Variants in UGDH observed in about 807,000 individuals in gnomAD.
UGDH encodes the protein UDP-glucose 6-dehydrogenase, also known as UDP-Glc dehydrogenase.
UGDH carries 38 observed loss-of-function variants against 50.6 expected under a neutral mutation model. The observed-to-expected ratio is 0.75, with a 90% confidence interval of 0.58 to 0.98. The LOEUF is 0.98. Among genes scored for constraint, UGDH ranks in the 50% least tolerant of loss-of-function variants. UGDH has a pLI of 0.00. For synonymous variants in UGDH, 168 were observed against 199.9 expected, an observed-to-expected ratio of 0.84 and a Z score of 1.35; for missense variants, 465 against 606.2, an observed-to-expected ratio of 0.77 and a Z score of 2.45.
At chr4:39,501,110 C>T (rs1460532202) in intron 11 of UGDH, among the ~76,000 whole-genome samples, 6 of 151,528 alleles carry the variant, frequency 4.0e-5, no homozygotes, top group Non-Finnish European at 5.9e-5. Flanking sequence ...GGATTACAAG[C>T]GCCCGCCACC....
rs141747931 is a variant in UGDH at position 39,506,324 on chromosome 4, C to T, written c.907-576G>A. 2.1e-3 allele frequency among the ~76,000 whole-genome samples: 318 copies of T among 151,076 alleles called. 2 individuals carry two copies. The highest frequency in any genetic ancestry group is 0.01 in the Middle Eastern group (3 of 288). On this transcript the variant is annotated intron_variant, in intron 7 of 11. Transcript: ENST00000316423. ...GCTAGGATGGATGCCAAAAGTGGAG[C>T]GCACAACCAAGTTTTAATTCTAAGC...
Position 39,509,578 on chromosome 4 carries a change from T to C in UGDH, c.811+182A>G, listed in dbSNP as rs540936674. 3.3e-5 allele frequency among the ~76,000 whole-genome samples: 5 copies of C among 152,360 alleles called. No individual in the cohort carries two copies. In the East Asian group the frequency reaches 9.6e-4, roughly 29 times the overall value. ...AGAAACATCTAGTCACTCAGCTGCATGACTTTGAGCAAGTTGCACAAATTT... is the reference window on the plus strand; with the variant it reads ...AGAAACATCTAGTCACTCAGCTGCACGACTTTGAGCAAGTTGCACAAATTT... On this transcript the variant is annotated intron_variant, in intron 6 of 11. Coordinates refer to ENST00000316423, the MANE Select transcript of UGDH (RefSeq NM_003359.4).
intron 11 of UGDH, among the ~76,000 whole-genome samples, chr4:39,503,530 A>G (rs1745908432): frequency 6.6e-6 from 1 of 152,198 alleles, no homozygotes; most frequent in Non-Finnish European, 1.5e-5. Context: ...GAGGAAGTAG[A>G]GAAGTAGAGT....
chr4:39,508,875 C>T (rs1436841783), intron 6 of UGDH, among the ~76,000 whole-genome samples: 2 of 150,866 alleles, frequency 1.3e-5, no homozygotes, highest in Non-Finnish European at 2.9e-5. Context: ...ACTAAAATTT[C>T]ATTATGGCTA....
Position 39,500,095 on chromosome 4 carries a change from G to T in UGDH, c.*48C>A. On this transcript the variant is annotated 3_prime_UTR_variant, in exon 12 of 12. Transcript: ENST00000316423. ...ATAGCAGATAGATATTTGCTATCCT[G>T]AAGTACCAAAAAAAAAAAAAAAAAA... The T allele has an allele frequency of 2.7e-6, 3 of 1,104,142 alleles. No individual in the cohort carries two copies. The highest frequency in any genetic ancestry group is 2.6e-6 in the Non-Finnish European group (2 of 783,926). The allele number at this position is 1,104,142 out of a possible 1,614,324, so 68.4% of individuals were successfully genotyped here.
chr4:39,500,330 G>C (rs755383650), intron 11 of UGDH, 77 bp from the exon 12 acceptor site: 1 of 874,390 alleles, frequency 1.1e-6, no homozygotes, highest in Non-Finnish European at 1.7e-6. Context: ...TGAAATGGGA[G>C]CAGGGGGAAT....
chr4:39,510,818 GC>G lies in UGDH; in HGVS notation c.307del (p.Ala103GlnfsTer4). On this transcript the variant is annotated frameshift_variant, in exon 4 of 12. Coordinates refer to ENST00000316423, the MANE Select transcript of UGDH (RefSeq NM_003359.4). LOFTEE classifies it high-confidence loss of function. Reference sequence around the variant, plus strand: ...AGCTTCAATATACTTCAGATCTGCTGCCCGGCCTTTCCCCATTCCATAGGTT... The same window carrying G: ...AGCTTCAATATACTTCAGATCTGCTGCCGGCCTTTCCCCATTCCATAGGTT... The part of the protein sequence containing the change: ...TKTYGMGKGR[A>X]ADLKYIEACA... 3 of 1,614,152 alleles carry G rather than the reference GC, an allele frequency of 1.9e-6. No individual in the cohort carries two copies. The highest frequency in any genetic ancestry group is 1.7e-6 in the Non-Finnish European group (2 of 1,180,028).
intron 2 of UGDH, among the ~76,000 whole-genome samples, chr4:39,514,963 C>T (rs2109935973): frequency 6.6e-6 from 1 of 151,946 alleles, no homozygotes; most frequent in South Asian, 2.1e-4. Context: ...ATTACACGCA[C>T]AAGCCACCAC....
intron 2 of UGDH, among the ~76,000 whole-genome samples, chr4:39,515,946 C>T (rs1236199451): frequency 2.0e-5 from 3 of 152,068 alleles, no homozygotes; most frequent in East Asian, 1.9e-4. Flanking sequence ...GCGATCCACC[C>T]GCCTCAGCCT....
intron 2 of UGDH, among the ~76,000 whole-genome samples, chr4:39,514,681 A>AT (rs1746376359): frequency 6.9e-6 from 1 of 145,436 alleles, no homozygotes; most frequent in East Asian, 2.1e-4. Context: ...CATTTATTTT[A>AT]TTTTATTTTA....
chr4:39,508,976 A>C (rs1746129549), intron 6 of UGDH, among the ~76,000 whole-genome samples: 1 of 146,044 alleles, frequency 6.8e-6, no homozygotes, highest in South Asian at 2.3e-4. Context: ...CAGGGTCAGC[A>C]AACTTTTTCT....
rs1396973439 is a variant in UGDH, at chr4:39,509,860, T to C, written c.711A>G (p.Ile237Met). 3.1e-6 allele frequency: 5 copies of C among 1,612,374 alleles called. No homozygotes were observed. The highest frequency in any genetic ancestry group is 4.2e-6 in the Non-Finnish European group (5 of 1,179,826). Residue 237 changes from isoleucine (I) to methionine (M), a missense_variant, in exon 6 of 12, where the codon ATA becomes ATG. Coordinates refer to ENST00000316423, the MANE Select transcript of UGDH (RefSeq NM_003359.4). ...CTCCTGTTGCTTCACACAGAGCACT[T>C]ATGGAGTTAATGCTGCTTATTCTCT... ...LAQRISSINS[I>M]SALCEATGAD...
chr4:39,510,558 C>T lies in UGDH; in HGVS notation c.466-8G>A, dbSNP rs993096538. 5.0e-6 allele frequency: 8 copies of T among 1,614,002 alleles called. No individual in the cohort carries two copies. Among genetic ancestry groups the T allele is most frequent in the African/African-American group, 1.3e-5 (1 of 74,930 alleles). ...CTCAGGGTTGGACAGCACCTAGAATCCCAATGCAAAGGAAAGTTTTAAGCT... is the reference window on the plus strand; with the variant it reads ...CTCAGGGTTGGACAGCACCTAGAATTCCAATGCAAAGGAAAGTTTTAAGCT... On this transcript the variant is annotated splice_polypyrimidine_tract_variant and splice_region_variant and intron_variant, in intron 4 of 11. Transcript: ENST00000316423.
At chr4:39,522,996 C>T (rs1007333395) in intron 1 of UGDH, among the ~76,000 whole-genome samples, 5 of 151,988 alleles carry the variant, frequency 3.3e-5, no homozygotes, top group South Asian at 2.1e-4. Context: ...TTCTTGACCT[C>T]GTGATCCACC....
intron 1 of UGDH, among the ~76,000 whole-genome samples, chr4:39,524,351 T>C (rs1468498685): frequency 6.6e-6 from 1 of 152,180 alleles, no homozygotes; most frequent in Non-Finnish European, 1.5e-5. Context: ...CCTTGACTCC[T>C]AGAATAGCAG....
chr4:39,520,686 ATAT>A (rs1337913759), intron 2 of UGDH, among the ~76,000 whole-genome samples: 1 of 151,650 alleles, frequency 6.6e-6, no homozygotes, highest in Non-Finnish European at 1.5e-5. Flanking sequence ...ATTTATATTA[ATAT>A]TATTAAAAGT....
intron 1 of UGDH, among the ~76,000 whole-genome samples, chr4:39,522,750 C>T (rs1746716390): frequency 6.8e-6 from 1 of 147,540 alleles, no homozygotes; most frequent in African/African-American, 2.6e-5. Flanking sequence ...CTCATGGAGT[C>T]TGATCCCTCA....
At chr4:39,518,710 C>T (rs765104805) in intron 2 of UGDH, among the ~76,000 whole-genome samples, 4 of 151,810 alleles carry the variant, frequency 2.6e-5, no homozygotes, top group African/African-American at 7.3e-5. Flanking sequence ...TCCTCTCGCC[C>T]GGCCTCCCAA....
At chr4:39,520,859 A>G (rs917452641) in intron 2 of UGDH, among the ~76,000 whole-genome samples, 5 of 151,834 alleles carry the variant, frequency 3.3e-5, no homozygotes, top group African/African-American at 1.2e-4. Flanking sequence ...AGATCACCTG[A>G]GTTCAGGAGC....
Sources: gnomAD v4.1 joint callset for allele counts (sites outside exome capture counted in the v4.1 genomes callset) on GRCh38, gnomAD v4.1.1 for gene constraint, MANE v1.5 for transcripts, NCBI Gene and HGNC (gene_info 2026-07-23, HGNC 2026-07-21) for gene names.